EPHA3: variants seen among roughly 807,000 people sequenced by gnomAD.
EPHA3 encodes the protein ephrin type-A receptor 3.
EPHA3 carries 42 observed loss-of-function variants against 107.1 expected under a neutral mutation model. The observed-to-expected ratio is 0.39, with a 90% CI of 0.31 to 0.51. The LOEUF is 0.51. Among genes scored for constraint, EPHA3 ranks in the 20% least tolerant of loss-of-function variants. The pLI, the probability that EPHA3 is intolerant of heterozygous loss-of-function variation, is 0.78. For synonymous variants in EPHA3, 461 were observed against 424.8 expected (o/e 1.09, Z -1.05); for missense variants, 1,183 against 1,211.2 (o/e 0.98, Z 0.35).
At chr3:89,415,480 A>ATATATATATG (rs1328901206) in intron 10 of EPHA3, among the ~76,000 whole-genome samples, 6 of 146,530 alleles carry the variant, frequency 4.1e-5, no homozygotes, top group African/African-American at 1.5e-4. Context: ...ATATATATAT[A>ATATATATATG]TATATATATA....
intron 2 of EPHA3, among the ~76,000 whole-genome samples, chr3:89,168,800 G>A (rs529498612): frequency 5.9e-5 from 9 of 152,052 alleles, no homozygotes; most frequent in African/African-American, 2.2e-4. Context: ...ACATATGTTA[G>A]TATAGAAAAT....
intron 3 of EPHA3, among the ~76,000 whole-genome samples, chr3:89,274,993 C>T (rs1705770693): frequency 6.6e-6 from 1 of 152,012 alleles, no homozygotes; most frequent in Admixed American, 6.6e-5. Flanking sequence ...TGTTAACATC[C>T]TGCTCCATAG....
Position 89,208,426 on chromosome 3 carries a change from GAAA to G in EPHA3, c.154-1433_154-1431del, listed in dbSNP as rs1559600796. On this transcript the variant is annotated intron_variant, in intron 2 of 16. Transcript: ENST00000336596. ...AGGAAGGAAGGAAGGAAGGAAGGAA[GAAA>G]GAAAGAAAGAAAGAAAGAAAGAAAG... Among the ~76,000 whole-genome samples the G allele has an allele frequency of 7.1e-3, 526 of 73,982 alleles. 11 individuals are homozygous for G. The highest frequency in any genetic ancestry group is 0.023 in the East Asian group (57 of 2,468). The allele number at this position is 73,982 out of a possible 152,430, so 48.5% of individuals were successfully genotyped here.
intron 5 of EPHA3, among the ~76,000 whole-genome samples, chr3:89,378,993 C>A (rs1462004491): frequency 6.6e-6 from 1 of 152,092 alleles, no homozygotes; most frequent in African/African-American, 2.4e-5. Context: ...AAATTTATGG[C>A]TAGCTGAAAA....
chr3:89,379,787 A>G (rs1223011121), intron 5 of EPHA3, among the ~76,000 whole-genome samples: 1 of 152,170 alleles, frequency 6.6e-6, no homozygotes, highest in Non-Finnish European at 1.5e-5. Context: ...GAAATACTAT[A>G]TTGTCCCATT....
At chr3:89,307,677 A>C (rs1472184766) in intron 3 of EPHA3, among the ~76,000 whole-genome samples, 1 of 151,906 alleles carries the variant, frequency 6.6e-6, no homozygotes, top group Non-Finnish European at 1.5e-5. Context: ...TCCACCTCCC[A>C]AGTAGCTGGG....
chr3:89,476,784 A>G (rs1291581443), intron 16 of EPHA3, among the ~76,000 whole-genome samples: 4 of 150,902 alleles, frequency 2.7e-5, no homozygotes, highest in Admixed American at 2.6e-4. Context: ...ATTTTTTTGT[A>G]TTTTTAATAG....
intron 1 of EPHA3, among the ~76,000 whole-genome samples, chr3:89,122,371 G>T (rs1371327496): frequency 6.6e-6 from 1 of 152,082 alleles, no homozygotes; most frequent in South Asian, 2.1e-4. Context: ...TTTTACTAGA[G>T]AACATGTGCA....
At chr3:89,220,974 G>A (rs529037245) in intron 3 of EPHA3, among the ~76,000 whole-genome samples, 14 of 152,190 alleles carry the variant, frequency 9.2e-5, no homozygotes, top group African/African-American at 2.6e-4. Flanking sequence ...TCCATTTTGC[G>A]TGATAGAAAA....
At chr3:89,377,263 G>A (rs1410853120) in intron 5 of EPHA3, among the ~76,000 whole-genome samples, 2 of 151,998 alleles carry the variant, frequency 1.3e-5, no homozygotes, top group African/African-American at 4.8e-5. Context: ...ATGTGTAATT[G>A]CCTGTGCATC....
At chr3:89,233,745 T>C (rs1355027205) in intron 3 of EPHA3, among the ~76,000 whole-genome samples, 2 of 152,168 alleles carry the variant, frequency 1.3e-5, no homozygotes, top group Non-Finnish European at 2.9e-5. Context: ...ATGGATGCAT[T>C]TTGGAGTTTG....
At position 89,181,507 on chromosome 3, in the gene EPHA3, C is replaced by A. The variant is rs185996218; in HGVS notation, c.154-28353C>A. On this transcript the variant is annotated intron_variant, in intron 2 of 16. Coordinates refer to ENST00000336596, the MANE Select transcript of EPHA3 (RefSeq NM_005233.6). ...ATGACAACCTCAGAAGGTGATGCAG[C>A]CAAATAAACAGAAAAATAAATAAAA... Among the ~76,000 whole-genome samples the A allele has an allele frequency of 2.4e-3, 363 of 151,600 alleles. 1 individual carries two copies. The highest frequency in any genetic ancestry group is 4.0e-3 in the Non-Finnish European group (273 of 67,782).
chr3:89,367,421 T>C (rs1708206014), intron 5 of EPHA3, among the ~76,000 whole-genome samples: 1 of 150,600 alleles, frequency 6.6e-6, no homozygotes, highest in Non-Finnish European at 1.5e-5. Context: ...GTCACTGCTC[T>C]TATAGGTGAA....
intron 1 of EPHA3, among the ~76,000 whole-genome samples, chr3:89,116,603 T>C (rs951494748): frequency 2.0e-5 from 3 of 152,008 alleles, no homozygotes; most frequent in Admixed American, 6.5e-5. Context: ...ATGTTTTGCA[T>C]TAATTGCTGC....
At chr3:89,156,889 T>G (rs1704819403) in intron 2 of EPHA3, among the ~76,000 whole-genome samples, 1 of 150,732 alleles carries the variant, frequency 6.6e-6, no homozygotes, top group Admixed American at 6.6e-5. Context: ...ATTTTTTTTT[T>G]GGAAAAAAAA....
intron 3 of EPHA3, among the ~76,000 whole-genome samples, chr3:89,297,127 G>T (rs1706372493): frequency 6.6e-6 from 1 of 152,114 alleles, no homozygotes; most frequent in South Asian, 2.1e-4. Context: ...CAGCAATAAG[G>T]TTGTTTTATT....
chr3:89,372,157 A>G (rs1708319040), intron 5 of EPHA3, among the ~76,000 whole-genome samples: 1 of 151,628 alleles, frequency 6.6e-6, no homozygotes, highest in Non-Finnish European at 1.5e-5. Context: ...GAATCTATGG[A>G]TTGATCCATC....
chr3:89,450,156 A>G (rs750539826), intron 14 of EPHA3, 21 bp from the exon 15 acceptor site: 1 of 1,538,004 alleles, frequency 6.5e-7, no homozygotes, highest in Non-Finnish European at 8.8e-7. Flanking sequence ...CTGGTTCCTG[A>G]AAACTTTGCT....
chr3:89,300,589 C>T (rs1252476793), intron 3 of EPHA3, among the ~76,000 whole-genome samples: 1 of 152,016 alleles, frequency 6.6e-6, no homozygotes, highest in Non-Finnish European at 1.5e-5. Context: ...TCATTTATTA[C>T]TTTAAACAAT....
Sources: allele counts gnomAD v4.1 joint callset (sites outside exome capture counted in the v4.1 genomes callset), GRCh38; gene constraint gnomAD v4.1.1; transcripts MANE v1.5; gene names NCBI Gene and HGNC (gene_info 2026-07-23, HGNC 2026-07-21).